Variants in ALG9 observed in about 807,000 individuals in gnomAD.
ALG9 encodes ALG9 alpha-1,2-mannosyltransferase, also known as alpha-1,2-mannosyltransferase ALG9.
Under a neutral mutation model 81.8 loss-of-function variants are expected in ALG9, and 55 were observed. The observed-to-expected ratio is 0.67, with a 90% CI of 0.54 to 0.84. The LOEUF (loss-of-function observed/expected upper bound fraction) is 0.84. Ranked by LOEUF, ALG9 falls within the 40% of genes least tolerant of loss-of-function variation. The probability of loss-of-function intolerance (pLI) is 0.00; values close to 1 mark genes in which losing one functional copy is unlikely to be tolerated. For missense variants in ALG9, 629 were observed against 745.0 expected, an observed-to-expected ratio of 0.84 and a Z score of 1.81; for synonymous variants, 278 against 274.3, an observed-to-expected ratio of 1.01 and a Z score of -0.13.
At chr11:111,793,479 G>A (rs7121905) in intron 14 of ALG9, among the ~76,000 whole-genome samples, 1,867 of 152,166 alleles carry the variant, frequency 0.012, 34 homozygotes, top group African/African-American at 0.04. Flanking sequence ...AGGAAAGAGC[G>A]GGCCAGGCAT....
chr11:111,785,720 G>C lies in ALG9; in HGVS notation c.*677C>G. ...CAATACAACCTTATAGTTACAGTTG[G>C]TTGTAAAGGAAATGAAAATTAGAGG... On this transcript the variant is annotated 3_prime_UTR_variant, in exon 15 of 15. Coordinates refer to ENST00000616540, the MANE Select transcript of ALG9 (RefSeq NM_024740.2). The C allele has an allele frequency of 4.2e-6, 1 of 236,680 alleles. No individual in the cohort carries two copies. Among genetic ancestry groups the C allele is most frequent in the Non-Finnish European group, 8.5e-6 (1 of 118,162 alleles). 14.7% of individuals were successfully genotyped at this position (236,680 alleles called of 1,614,324 possible).
chr11:111,775,695 T>C, the ALG9 span, among the ~76,000 whole-genome samples: 1 of 152,078 alleles, frequency 6.6e-6, no homozygotes, highest in African/African-American at 2.4e-5. Context: ...GGCAACATAG[T>C]GAGACCCCAT....
chr11:111,826,851 A>G (rs1358935257), intron 13 of ALG9, among the ~76,000 whole-genome samples: 1 of 151,806 alleles, frequency 6.6e-6, no homozygotes, highest in Non-Finnish European at 1.5e-5. Context: ...TAAATTCTGG[A>G]TTCTGATTTT....
chr11:111,846,725 T>C (rs1234946248), intron 8 of ALG9, among the ~76,000 whole-genome samples: 25 of 152,034 alleles, frequency 1.6e-4, no homozygotes, highest in African/African-American at 5.8e-4. Context: ...ACAAAAAGAG[T>C]GACTTCTATC....
At chr11:111,813,498 A>G (rs1204733758) in intron 13 of ALG9, among the ~76,000 whole-genome samples, 1 of 152,234 alleles carries the variant, frequency 6.6e-6, no homozygotes, top group Non-Finnish European at 1.5e-5. Flanking sequence ...ACTACTTGGG[A>G]GGCTGGGGCA....
chr11:111,857,528 A>C (rs781931664), intron 6 of ALG9, 74 bp downstream of exon 6: 2 of 1,596,296 alleles, frequency 1.3e-6, no homozygotes, highest in Non-Finnish European at 1.7e-6. Context: ...TATGCAGACA[A>C]TATGGAGCTA....
chr11:111,837,727 G>T, intron 11 of ALG9, 112 bp from the exon 12 acceptor site: 1 of 1,228,442 alleles, frequency 8.1e-7, no homozygotes, highest in Non-Finnish European at 1.2e-6. Context: ...TAAAAGGCAG[G>T]AAGGGCCATA....
At chr11:111,861,311 T>C (rs530986882) in intron 4 of ALG9, among the ~76,000 whole-genome samples, 5 of 152,370 alleles carry the variant, frequency 3.3e-5, no homozygotes, top group African/African-American at 1.2e-4. Context: ...CACGTGTTCA[T>C]CATTTCCTAG....
intron 8 of ALG9, among the ~76,000 whole-genome samples, chr11:111,851,107 T>C (rs1957737050): frequency 1.3e-5 from 2 of 152,198 alleles, no homozygotes; most frequent in African/African-American, 4.8e-5. Context: ...GACCCACTGT[T>C]AAATTAGCAC....
intron 8 of ALG9, among the ~76,000 whole-genome samples, chr11:111,848,554 C>T (rs1313821090): frequency 2.8e-5 from 4 of 143,634 alleles, no homozygotes; most frequent in Admixed American, 7.1e-5. Context: ...CACCCCACTG[C>T]ACTCCAGCCT....
At chr11:111,837,403 C>A in intron 12 of ALG9, 65 bp downstream of exon 12, 1 of 1,579,836 alleles carries the variant, frequency 6.3e-7, no homozygotes, top group Admixed American at 1.7e-5. Flanking sequence ...AATTAGAAGA[C>A]ACTGATATAG....
intron 8 of ALG9, among the ~76,000 whole-genome samples, chr11:111,852,101 T>C (rs1241441395): frequency 2.6e-5 from 4 of 152,192 alleles, no homozygotes; most frequent in African/African-American, 9.7e-5. Flanking sequence ...ATTGGCAAAA[T>C]GGCACAGGCA....
At chr11:111,828,524 CAA>C (rs1412254072) in intron 13 of ALG9, among the ~76,000 whole-genome samples, 1 of 152,058 alleles carries the variant, frequency 6.6e-6, no homozygotes, top group Non-Finnish European at 1.5e-5. Context: ...TTGAAGTAAT[CAA>C]GATATAATTT....
At chr11:111,812,267 T>C (rs658373) in intron 13 of ALG9, among the ~76,000 whole-genome samples, 108,518 of 152,122 alleles carry the variant, frequency 0.71, 39,511 homozygotes, top group African/African-American at 0.87. Flanking sequence ...AGCCAAGGCA[T>C]TCTTAAAAAA....
chr11:111,830,100 T>C (rs1007208889), intron 13 of ALG9, among the ~76,000 whole-genome samples: 3 of 152,220 alleles, frequency 2.0e-5, no homozygotes, highest in Non-Finnish European at 4.4e-5. Flanking sequence ...GAAAATACAT[T>C]TCACTTGATT....
chr11:111,853,881 T>C, intron 6 of ALG9, 145 bp from the exon 7 acceptor site: 1 of 738,336 alleles, frequency 1.4e-6, no homozygotes, highest in East Asian at 2.6e-5. Context: ...GAGGATGTCG[T>C]CACAGGACCT....
At position 111,785,357 on chromosome 11, in the gene ALG9, T is replaced by C. The variant is rs967033739; in HGVS notation, c.*1040A>G. On this transcript the variant is annotated 3_prime_UTR_variant, in exon 15 of 15. Transcript: ENST00000616540. ...ACTGTAAAGGCTTTTAAAGTAATAG[T>C]ATACACTTATCACATTTTAATTAGG... 2 of 152,404 alleles carry C rather than the reference T, an allele frequency of 1.3e-5. No homozygotes were observed. Among genetic ancestry groups the C allele is most frequent in the Admixed American group, 6.5e-5 (1 of 15,288 alleles). 9.4% of individuals were successfully genotyped at this position (152,404 alleles called of 1,614,324 possible).
At position 111,810,544 on chromosome 11, in the gene ALG9, C is replaced by A. The variant is rs116936603; in HGVS notation, c.1603-771G>T. ...GCCAAGGTGTACAGATCGTTTGAACCCAGGAGTTCAAGACTAGCCTGAGCA... is the reference window on the plus strand; with the variant it reads ...GCCAAGGTGTACAGATCGTTTGAACACAGGAGTTCAAGACTAGCCTGAGCA... On this transcript the variant is annotated intron_variant, in intron 13 of 14. Coordinates refer to ENST00000616540, the MANE Select transcript of ALG9 (RefSeq NM_024740.2). Among the ~76,000 whole-genome samples the A allele has an allele frequency of 6.6e-3, 1,000 of 152,086 alleles. 6 individuals are homozygous for A. The highest frequency in any genetic ancestry group is 0.051 in the Middle Eastern group (15 of 294).
Position 111,860,600 on chromosome 11 carries a change from C to G in ALG9, c.512G>C (p.Arg171Pro). ...GAGAACCAAGAAGGCTAGCATCATT[C>G]GACTCACGTGCAACCCAAACTTCTT... ...VCKKFGLHVS[R>P]MMLAFLVLST... Residue 171 changes from arginine (R) to proline (P), a missense_variant, in exon 5 of 15, where the codon CGA (arginine) becomes CCA (proline). Physicochemically the swap from Arg to Pro is moderately radical, Grantham distance 103. This residue lies in a region of ALG9 where 344 missense variants were observed against 390.5 expected (regional missense o/e 0.88). Coordinates refer to ENST00000616540, the MANE Select transcript of ALG9 (RefSeq NM_024740.2). The G allele has an allele frequency of 6.2e-7, 1 of 1,613,988 alleles. No homozygotes were observed. The highest frequency in any genetic ancestry group is 8.5e-7 in the Non-Finnish European group (1 of 1,179,960).
Sources: allele counts gnomAD v4.1 joint callset (sites outside exome capture counted in the v4.1 genomes callset), GRCh38; gene constraint gnomAD v4.1.1; regional missense constraint gnomAD v4.1.1; transcripts MANE v1.5; gene names NCBI Gene and HGNC (gene_info 2026-07-23, HGNC 2026-07-21).